GK5: variants seen among roughly 807,000 people sequenced by gnomAD.
GK5 encodes the protein ATP:glycerol 3-phosphotransferase 5.
A neutral mutation model predicts 77.3 loss-of-function variants in GK5; 39 were observed. That is an observed-to-expected ratio of 0.50 (90% CI 0.39 to 0.66). The LOEUF (loss-of-function observed/expected upper bound fraction) is 0.66. Among genes scored for constraint, GK5 ranks in the 30% least tolerant of loss-of-function variants. The pLI, the probability that GK5 is intolerant of heterozygous loss-of-function variation, is 0.00. For synonymous variants in GK5, 211 were observed against 208.0 expected, an observed-to-expected ratio of 1.01 and a Z score of -0.13; for missense variants, 487 against 633.8, an observed-to-expected ratio of 0.77 and a Z score of 2.49.
chr3:142,181,982 A>G (rs540298885), intron 10 of GK5, among the ~76,000 whole-genome samples: 8 of 152,220 alleles, frequency 5.3e-5, no homozygotes, highest in Non-Finnish European at 1.2e-4. Context: ...ATGCTATTGT[A>G]TTTATCTGTG....
In GK5 at chr3:142,186,480, CT is replaced by C; in HGVS notation, c.652del (p.Ser218ValfsTer16). 6.4e-7 allele frequency: 1 copy of C among 1,555,308 alleles called. No individual in the cohort carries two copies. The highest frequency in any genetic ancestry group is 8.7e-7 in the Non-Finnish European group (1 of 1,148,316). ...SVYATDFSNASTTGLFDPYKM... is the reference protein window; with the variant it reads ...SVYATDFSNAXTTGLFDPYKM... ...ATATGGGTCAAAAAGTCCAGTTGTACTAGCATTTGAAAAATCTGTGGCATAT... is the reference window on the plus strand; with the variant it reads ...ATATGGGTCAAAAAGTCCAGTTGTACAGCATTTGAAAAATCTGTGGCATAT... On this transcript the variant is annotated frameshift_variant, in exon 7 of 16. Coordinates refer to ENST00000392993, the MANE Select transcript of GK5 (RefSeq NM_001039547.3). LOFTEE classifies it high-confidence loss of function.
chr3:142,186,417 T>G (rs9857725), intron 7 of GK5, 35 bp downstream of exon 7: 170,216 of 1,208,064 alleles, frequency 0.14, 13,151 homozygotes, highest in Admixed American at 0.21. Context: ...TACACAAAAA[T>G]GTGTGATTCA....
chr3:142,198,334 G>A (rs1227747926), intron 5 of GK5, among the ~76,000 whole-genome samples: 2 of 151,764 alleles, frequency 1.3e-5, no homozygotes, highest in African/African-American at 2.4e-5. Flanking sequence ...AAGATATGGC[G>A]GGGAGTGGCG....
At chr3:142,224,015 T>C (rs1289438976) in intron 1 of GK5, among the ~76,000 whole-genome samples, 1 of 152,050 alleles carries the variant, frequency 6.6e-6, no homozygotes, top group Non-Finnish European at 1.5e-5. Flanking sequence ...AAAGGGGGAA[T>C]ACAGTGCTGC....
intron 4 of GK5, among the ~76,000 whole-genome samples, chr3:142,199,366 A>G (rs1466566696): frequency 1.3e-5 from 2 of 152,148 alleles, no homozygotes; most frequent in Non-Finnish European, 2.9e-5. Context: ...GAATAGCATT[A>G]ATTCACTACT....
At chr3:142,193,048 A>T (rs1281960481) in intron 5 of GK5, among the ~76,000 whole-genome samples, 1 of 152,178 alleles carries the variant, frequency 6.6e-6, no homozygotes, top group African/African-American at 2.4e-5. Flanking sequence ...TTTTCAGGAC[A>T]GTGAAACTAC....
intron 5 of GK5, among the ~76,000 whole-genome samples, chr3:142,194,770 T>A (rs578200983): frequency 1.8e-3 from 275 of 151,640 alleles, no homozygotes; most frequent in African/African-American, 6.0e-3. Flanking sequence ...CTAATTTTTT[T>A]AGGAAATTCC....
chr3:142,182,569 G>C (rs545948949), intron 10 of GK5, among the ~76,000 whole-genome samples: 1 of 152,118 alleles, frequency 6.6e-6, no homozygotes, highest in East Asian at 1.9e-4. Flanking sequence ...GGCTGGTCTC[G>C]AACTCCTGAC....
chr3:142,214,682 T>C (rs969536271), intron 2 of GK5, among the ~76,000 whole-genome samples: 3 of 152,226 alleles, frequency 2.0e-5, no homozygotes, highest in Non-Finnish European at 2.9e-5. Context: ...CTAAATGCAA[T>C]GCCTCCTCTT....
chr3:142,173,283 CAT>C, intron 12 of GK5: 2 of 376,708 alleles, frequency 5.3e-6, no homozygotes, highest in South Asian at 4.1e-5. Context: ...TCCAGCCTAA[CAT>C]GTTCTCAAAA....
intron 11 of GK5, among the ~76,000 whole-genome samples, chr3:142,177,966 C>A (rs2063642285): frequency 1.3e-5 from 2 of 150,086 alleles, no homozygotes; most frequent in Non-Finnish European, 2.9e-5. Context: ...TCAAACGATT[C>A]TCCTGCCTCA....
intron 9 of GK5, among the ~76,000 whole-genome samples, chr3:142,184,180 G>C (rs1027251728): frequency 6.9e-6 from 1 of 143,910 alleles, no homozygotes; most frequent in African/African-American, 2.6e-5. Flanking sequence ...AGAATGGCAT[G>C]AGCCTGGAAG....
At chr3:142,211,428 T>C (rs2064186892) in intron 3 of GK5, among the ~76,000 whole-genome samples, 1 of 152,148 alleles carries the variant, frequency 6.6e-6, no homozygotes. Flanking sequence ...AGGCCAGTGC[T>C]GGGGAGTGGA....
rs142881580 is a variant in GK5 at position 142,180,521 on chromosome 3, C to T, written c.1048+940G>A. On this transcript the variant is annotated intron_variant, in intron 11 of 15. Transcript: ENST00000392993. ...TTCTCCATGTTGGTCAGGCTGATCT[C>T]GAACTCCCAACCTCAGGTAATCCAC... Among the ~76,000 whole-genome samples, 1,017 of 152,200 alleles carry T rather than the reference C, an allele frequency of 6.7e-3. 9 individuals carry two copies. Among genetic ancestry groups the T allele is most frequent in the African/African-American group, 0.023 (948 of 41,524 alleles).
intron 11 of GK5, among the ~76,000 whole-genome samples, chr3:142,180,146 A>T (rs2063673852): frequency 6.6e-6 from 1 of 152,102 alleles, no homozygotes. Flanking sequence ...TATGGGGGGA[A>T]ATCCCTGTTG....
intron 1 of GK5, among the ~76,000 whole-genome samples, chr3:142,216,281 G>A (rs990037381): frequency 2.0e-5 from 3 of 152,114 alleles, no homozygotes; most frequent in African/African-American, 4.8e-5. Context: ...GAAGTGCCAG[G>A]ATAAGCTCTA....
chr3:142,186,630 CTTTTTTTT>C lies in GK5; in HGVS notation c.620-125_620-118del. 1.5e-5 allele frequency: 4 copies of C among 262,058 alleles called. No homozygotes were observed. In the South Asian group the frequency reaches 2.5e-4, roughly 17 times the overall value. 16.2% of individuals were successfully genotyped at this position (262,058 alleles called of 1,614,324 possible). Reference sequence around the variant, plus strand: ...AAATTCATTCCAAAATGTGTATTTTCTTTTTTTTTTTTTTTTTTTGAGACGGAGTTTCA... The same window carrying C: ...AAATTCATTCCAAAATGTGTATTTTCTTTTTTTTTTTGAGACGGAGTTTCA... On this transcript the variant is annotated intron_variant, in intron 6 of 15. Coordinates refer to ENST00000392993, the MANE Select transcript of GK5 (RefSeq NM_001039547.3).
rs1342546449 is a variant in GK5, at chr3:142,159,851, C to CTTTTTTTTTTTTTTTTTTTT, written c.*5770_*5771insAAAAAAAAAAAAAAAAAAAA. 3 of 86,978 alleles carry CTTTTTTTTTTTTTTTTTTTT rather than the reference C, an allele frequency of 3.4e-5. No homozygotes were observed. The highest frequency in any genetic ancestry group is 3.4e-4 in the South Asian group (1 of 2,908). The allele number at this position is 86,978 out of a possible 1,614,324, so 5.4% of individuals were successfully genotyped here. Reference sequence around the variant, plus strand: ...GCTTTCTCTCTCTCTCTCTCTCTCTCTCTTTTTTTTTTTTGAGACAGAGTC... The same window carrying CTTTTTTTTTTTTTTTTTTTT: ...GCTTTCTCTCTCTCTCTCTCTCTCTCTTTTTTTTTTTTTTTTTTTTTCTTTTTTTTTTTTGAGACAGAGTC... On this transcript the variant is annotated 3_prime_UTR_variant, in exon 16 of 16. Transcript: ENST00000392993.
intron 9 of GK5, chr3:142,183,517 C>G (rs1221751379): frequency 6.5e-6 from 1 of 153,164 alleles, no homozygotes; most frequent in Non-Finnish European, 1.5e-5. Context: ...TGTCGCCAGG[C>G]TGGAGTGCAG....
Sources: gnomAD v4.1 joint callset for allele counts (sites outside exome capture counted in the v4.1 genomes callset) on GRCh38, gnomAD v4.1.1 for gene constraint, MANE v1.5 for transcripts, NCBI Gene and HGNC (gene_info 2026-07-23, HGNC 2026-07-21) for gene names.